PLEKHF2: variants seen among roughly 807,000 people sequenced by gnomAD.
PLEKHF2 encodes the protein pleckstrin homology and FYVE domain containing 2.
In PLEKHF2, 4 loss-of-function variants were observed where a neutral mutation model predicts 14.7. The ratio of observed to expected loss-of-function variants is 0.27; its 90% CI spans 0.13 to 0.62. The LOEUF (loss-of-function observed/expected upper bound fraction) is 0.62, where lower values mean the gene tolerates loss of function less well. Among genes scored for constraint, PLEKHF2 ranks in the 20% least tolerant of loss-of-function variants. The pLI is 0.85. For missense variants in PLEKHF2, 201 were observed against 307.7 expected (o/e 0.65, Z 2.60); for synonymous variants, 90 against 103.5 (o/e 0.87, Z 0.79).
chr8:95,144,898 A>G (rs899407862), intron 1 of PLEKHF2, among the ~76,000 whole-genome samples: 1 of 151,688 alleles, frequency 6.6e-6, no homozygotes, highest in African/African-American at 2.4e-5. Context: ...AGAAAAAAAA[A>G]CAAAAAACTG....
intron 1 of PLEKHF2, among the ~76,000 whole-genome samples, 184 bp from the exon 2 acceptor site, chr8:95,153,847 A>G (rs1179131748): frequency 6.6e-6 from 1 of 152,186 alleles, no homozygotes. Context: ...AGTGTTTTTC[A>G]TCATTTTAAA....
At chr8:95,137,873 C>T (rs1023653153) in intron 1 of PLEKHF2, among the ~76,000 whole-genome samples, 14 of 152,244 alleles carry the variant, frequency 9.2e-5, no homozygotes, top group Non-Finnish European at 1.3e-4. Flanking sequence ...GGCCAGATGG[C>T]GATGCAAGGG....
At chr8:95,151,531 G>T in intron 1 of PLEKHF2, among the ~76,000 whole-genome samples, 1 of 151,048 alleles carries the variant, frequency 6.6e-6, no homozygotes, top group African/African-American at 2.4e-5. Context: ...AGTCTGAATA[G>T]CTCTCAGTTT....
At chr8:95,149,553 A>G (rs1448709573) in intron 1 of PLEKHF2, among the ~76,000 whole-genome samples, 1 of 152,226 alleles carries the variant, frequency 6.6e-6, no homozygotes, top group African/African-American at 2.4e-5. Context: ...TGAAATTTTT[A>G]AAGAAAAATA....
At chr8:95,151,912 A>G (rs1223446826) in intron 1 of PLEKHF2, among the ~76,000 whole-genome samples, 1 of 152,110 alleles carries the variant, frequency 6.6e-6, no homozygotes, top group Non-Finnish European at 1.5e-5. Flanking sequence ...TTACAGATAC[A>G]GATGTCTATG....
intron 1 of PLEKHF2, among the ~76,000 whole-genome samples, chr8:95,152,665 G>A (rs1810575790): frequency 6.6e-6 from 1 of 151,940 alleles, no homozygotes; most frequent in African/African-American, 2.4e-5. Flanking sequence ...TAATTCTTGG[G>A]AACAACTTTT....
intron 1 of PLEKHF2, among the ~76,000 whole-genome samples, chr8:95,143,245 G>A (rs1457011718): frequency 1.3e-5 from 2 of 151,966 alleles, no homozygotes; most frequent in Admixed American, 6.5e-5. Context: ...GACTCCAGGC[G>A]CCCGCTACCG....
rs561524693 is a variant in PLEKHF2 at position 95,155,294 on chromosome 8, T to C, written c.*500T>C. On this transcript the variant is annotated 3_prime_UTR_variant, in exon 2 of 2. Coordinates refer to ENST00000315367, the MANE Select transcript of PLEKHF2 (RefSeq NM_024613.4). ...TATACCTAGTGGTGCCTTATCATAATAGCACTGTTACATGAAATAAGCCCC... is the reference window on the plus strand; with the variant it reads ...TATACCTAGTGGTGCCTTATCATAACAGCACTGTTACATGAAATAAGCCCC... 5.8e-6 allele frequency: 1 copy of C among 171,410 alleles called. No individual in the cohort carries two copies. The highest frequency in any genetic ancestry group is 2.4e-5 in the African/African-American group (1 of 41,600). The allele number at this position is 171,410 out of a possible 1,614,324, so 10.6% of individuals were successfully genotyped here. A position where few individuals can be genotyped will look rare whatever the true frequency, so the allele number is the denominator to read the frequency against.
rs575105602 is a variant in PLEKHF2, at chr8:95,154,895, G to T, written c.*101G>T. ...TCTCTCTCTGTTTTGTTCTAGCCATGAATTTGCCTGAGAAACTTGTAACCT... is the reference window on the plus strand; with the variant it reads ...TCTCTCTCTGTTTTGTTCTAGCCATTAATTTGCCTGAGAAACTTGTAACCT... On this transcript the variant is annotated 3_prime_UTR_variant, in exon 2 of 2. Transcript: ENST00000315367. This position sits in a 1 kb window ranked among gnomAD's most constrained non-coding sequence, Gnocchi z 5.6. The T allele has an allele frequency of 3.5e-6, 5 of 1,430,512 alleles. No homozygotes were observed. In the South Asian group the frequency reaches 4.1e-5, roughly 12 times the overall value. The allele number at this position is 1,430,512 out of a possible 1,614,324, so 88.6% of individuals were successfully genotyped here.
At chr8:95,142,736 C>CGAA (rs1810452331) in intron 1 of PLEKHF2, among the ~76,000 whole-genome samples, 1 of 152,096 alleles carries the variant, frequency 6.6e-6, no homozygotes, top group Non-Finnish European at 1.5e-5. Context: ...AGAAAGAAAT[C>CGAA]ATTTATATAT....
At chr8:95,150,865 A>C (rs549974348) in intron 1 of PLEKHF2, among the ~76,000 whole-genome samples, 35 of 152,260 alleles carry the variant, frequency 2.3e-4, no homozygotes, top group African/African-American at 8.4e-4. Context: ...CATCACAGAG[A>C]AATCAGATTT....
chr8:95,143,469 C>T (rs541037548), intron 1 of PLEKHF2, among the ~76,000 whole-genome samples: 2 of 152,268 alleles, frequency 1.3e-5, no homozygotes, highest in South Asian at 4.1e-4. Flanking sequence ...TTTTATGAAA[C>T]AAATAGACTA....
In PLEKHF2 at chr8:95,154,550, T is replaced by A. The variant is rs1424310809; in HGVS notation, c.506T>A (p.Val169Asp). 6.2e-7 allele frequency: 1 copy of A among 1,614,186 alleles called. No homozygotes were observed. Among genetic ancestry groups the A allele is most frequent in the Non-Finnish European group, 8.5e-7 (1 of 1,179,994 alleles). Reference protein sequence around the residue: ...MRCQKAKFTPVNRRHHCRKCG... With the variant: ...MRCQKAKFTPDNRRHHCRKCG... Reference sequence around the variant, plus strand: ...TGTCAGAAAGCAAAATTCACACCTGTTAATCGTCGCCACCATTGCCGCAAA... The same window carrying A: ...TGTCAGAAAGCAAAATTCACACCTGATAATCGTCGCCACCATTGCCGCAAA... Residue 169 changes from valine to aspartate, a missense_variant, in exon 2 of 2, where the codon GTT (valine) becomes GAT (aspartate). Val to Asp is a radical substitution (Grantham distance 152). Transcript: ENST00000315367. The surrounding 1 kb of genome is among the most constrained non-coding windows in gnomAD (Gnocchi z 5.6).
intron 1 of PLEKHF2, among the ~76,000 whole-genome samples, chr8:95,141,792 G>A (rs1167305423): frequency 6.6e-6 from 1 of 151,260 alleles, no homozygotes; most frequent in African/African-American, 2.4e-5. Context: ...TGGTTGCCTC[G>A]GCCTTCTAAA....
intron 1 of PLEKHF2, among the ~76,000 whole-genome samples, chr8:95,144,851 C>T (rs1166038962): frequency 2.3e-5 from 2 of 88,514 alleles, no homozygotes; most frequent in Admixed American, 3.1e-4. Flanking sequence ...GTGACAAGAG[C>T]AAAACTCTGT....
intron 1 of PLEKHF2, among the ~76,000 whole-genome samples, chr8:95,144,226 A>G (rs1316407901): frequency 6.6e-6 from 1 of 152,162 alleles, no homozygotes; most frequent in African/African-American, 2.4e-5. Context: ...CTACCTCTCT[A>G]AAGATGTTTT....
intron 1 of PLEKHF2, among the ~76,000 whole-genome samples, chr8:95,150,607 G>A (rs79115179): frequency 0.08 from 12,133 of 152,110 alleles, 663 homozygotes; most frequent in African/African-American, 0.14. Flanking sequence ...CAGGGAGAAA[G>A]ATTTATGAAC....
At chr8:95,153,108 C>T (rs1810579992) in intron 1 of PLEKHF2, among the ~76,000 whole-genome samples, 1 of 152,068 alleles carries the variant, frequency 6.6e-6, no homozygotes, top group Non-Finnish European at 1.5e-5. Context: ...CAGATGATCT[C>T]TGCTTTTTAG....
At chr8:95,143,844 T>C (rs1229915236) in intron 1 of PLEKHF2, among the ~76,000 whole-genome samples, 7 of 152,212 alleles carry the variant, frequency 4.6e-5, no homozygotes, top group African/African-American at 1.7e-4. Context: ...GGTTTCTGAG[T>C]AGACTTACCT....
Sources: allele counts gnomAD v4.1 joint callset (sites outside exome capture counted in the v4.1 genomes callset), GRCh38; gene constraint gnomAD v4.1.1; non-coding constraint Gnocchi (gnomAD v3.1); transcripts MANE v1.5; gene names NCBI Gene and HGNC (gene_info 2026-07-23, HGNC 2026-07-21).